Variants in PRKAG2 observed in about 807,000 individuals in gnomAD.
PRKAG2 encodes protein kinase AMP-activated non-catalytic subunit gamma 2.
Under a neutral mutation model 69.6 loss-of-function variants are expected in PRKAG2, and 26 were observed. The observed-to-expected ratio is 0.37, with a 90% confidence interval of 0.27 to 0.52. The LOEUF (loss-of-function observed/expected upper bound fraction) is 0.52, where lower values mean the gene tolerates loss of function less well. Among genes scored for constraint, PRKAG2 ranks in the 20% least tolerant of loss-of-function variants. PRKAG2 has a pLI of 0.90. For missense variants in PRKAG2, 557 were observed against 740.0 expected, an observed-to-expected ratio of 0.75 and a Z score of 2.87; for synonymous variants, 293 against 285.0, an observed-to-expected ratio of 1.03 and a Z score of -0.28.
At chr7:151,838,072 C>T (rs1490257622) in intron 1 of PRKAG2, among the ~76,000 whole-genome samples, 1 of 151,964 alleles carries the variant, frequency 6.6e-6, no homozygotes, top group African/African-American at 2.4e-5. Flanking sequence ...CAGGCACCAG[C>T]AGAGGCAGGA....
chr7:151,600,866 C>A (rs570846073), intron 5 of PRKAG2, among the ~76,000 whole-genome samples: 1 of 152,320 alleles, frequency 6.6e-6, no homozygotes, highest in East Asian at 1.9e-4. Flanking sequence ...CCAGGTACTG[C>A]AATAAATCAC....
chr7:151,790,334 C>T lies in PRKAG2; in HGVS notation c.115-3793G>A, dbSNP rs10230621. The stretch of plus-strand genomic sequence containing the variant: ...AACACACTCTCTGGCTGAGAGTCAC[C>T]CTCAGACAGAATTAATTATCTCTTA... On this transcript the variant is annotated intron_variant, in intron 1 of 15. Transcript: ENST00000287878. Among the ~76,000 whole-genome samples the T allele has an allele frequency of 9.1e-3, 1,390 of 152,326 alleles. 24 individuals are homozygous for T. The highest frequency in any genetic ancestry group is 0.032 in the African/African-American group (1,317 of 41,566).
chr7:151,825,975 G>GA (rs1314298701), intron 1 of PRKAG2, among the ~76,000 whole-genome samples: 1 of 152,104 alleles, frequency 6.6e-6, no homozygotes, highest in Non-Finnish European at 1.5e-5. Flanking sequence ...GTTTACCCAG[G>GA]ACTGTGTGGG....
intron 4 of PRKAG2, among the ~76,000 whole-genome samples, chr7:151,666,538 G>A (rs530967165): frequency 4.6e-5 from 7 of 152,300 alleles, no homozygotes; most frequent in South Asian, 2.1e-4. Context: ...TATGGTTTCC[G>A]TGGGTCAGGA....
rs139431079 is a variant in PRKAG2, at chr7:151,566,586, T to C, written c.1234-701A>G. 5.9e-4 allele frequency: 265 copies of C among 451,658 alleles called. 1 individual carries two copies. Among genetic ancestry groups the C allele is most frequent in the African/African-American group, 4.9e-3 (246 of 49,894 alleles). The allele number at this position is 451,658 out of a possible 1,614,324, so 28.0% of individuals were successfully genotyped here. A position where few individuals can be genotyped will look rare whatever the true frequency, so the allele number is the denominator to read the frequency against. On this transcript the variant is annotated intron_variant, in intron 11 of 15. Transcript: ENST00000287878. ...TCAAAAATCCACCTTTTATAAAGGG[T>C]ATAGTTGATTCCATCCTCCTGGTGT...
At position 151,632,426 on chromosome 7, in the gene PRKAG2, G is replaced by A; in HGVS notation, c.685-288C>T. 1 of 532,422 alleles carries A rather than the reference G, an allele frequency of 1.9e-6. No homozygotes were observed. Among genetic ancestry groups the A allele is most frequent in the East Asian group, 1.5e-4 (1 of 6,806 alleles). 33.0% of individuals were successfully genotyped at this position (532,422 alleles called of 1,614,324 possible). On this transcript the variant is annotated intron_variant, in intron 4 of 15. Transcript: ENST00000287878. This position sits in a 1 kb window ranked among gnomAD's most constrained non-coding sequence, Gnocchi z 4.2. ...CTTGGTACGGCCCGCCCGGGAGGAA[G>A]CGTGGGAAGGGACCCGGGAGCTCGA...
At chr7:151,557,635 C>T (rs1024520226) in intron 15 of PRKAG2, 18 of 826,922 alleles carry the variant, frequency 2.2e-5, no homozygotes, top group Admixed American at 1.9e-4. Context: ...TTTGGGAGGC[C>T]GAGGCGGGCG....
chr7:151,717,456 T>A, intron 3 of PRKAG2, among the ~76,000 whole-genome samples: 1 of 152,318 alleles, frequency 6.6e-6, no homozygotes, highest in East Asian at 1.9e-4. Flanking sequence ...GAATTTCATA[T>A]GCAGGAACTT....
chr7:151,683,390 G>A (rs1834178160), intron 3 of PRKAG2, among the ~76,000 whole-genome samples: 1 of 152,154 alleles, frequency 6.6e-6, no homozygotes, highest in Non-Finnish European at 1.5e-5. Flanking sequence ...ATGGGCTCTG[G>A]GACAAATCCA....
At chr7:151,604,747 A>ATCCCG (rs1817102402) in intron 5 of PRKAG2, among the ~76,000 whole-genome samples, 1 of 152,152 alleles carries the variant, frequency 6.6e-6, no homozygotes, top group Non-Finnish European at 1.5e-5. Context: ...CTGTCTCACG[A>ATCCCG]TCCCGTCCAG....
chr7:151,670,649 G>T (rs1163502261), intron 4 of PRKAG2, among the ~76,000 whole-genome samples: 7 of 152,142 alleles, frequency 4.6e-5, no homozygotes, highest in African/African-American at 1.4e-4. Flanking sequence ...TGAATTACCT[G>T]TCTGTTCTTC....
intron 9 of PRKAG2, among the ~76,000 whole-genome samples, chr7:151,571,970 G>A (rs75217350): frequency 0.026 from 4,007 of 152,216 alleles, 149 homozygotes; most frequent in East Asian, 0.17. Context: ...CAAAGGCTCC[G>A]CTGTTGCAGA....
intron 1 of PRKAG2, among the ~76,000 whole-genome samples, chr7:151,797,615 G>A (rs562732505): frequency 5.9e-5 from 9 of 152,226 alleles, no homozygotes; most frequent in Admixed American, 3.9e-4. Flanking sequence ...CACTTTCTAC[G>A]GGTACCCAAG....
chr7:151,660,946 C>T (rs6961337), intron 4 of PRKAG2, among the ~76,000 whole-genome samples: 1 of 152,172 alleles, frequency 6.6e-6, no homozygotes, highest in South Asian at 2.1e-4. Flanking sequence ...AACCATTTTT[C>T]AGTAGACAGT....
intron 5 of PRKAG2, among the ~76,000 whole-genome samples, chr7:151,624,426 C>T (rs188160372): frequency 9.3e-4 from 141 of 152,094 alleles, no homozygotes; most frequent in Non-Finnish European, 1.4e-3. Flanking sequence ...GCTGGGATTA[C>T]GGGGTGAGCC....
intron 5 of PRKAG2, chr7:151,631,559 C>T (rs1824411878): frequency 1.3e-5 from 5 of 383,712 alleles, no homozygotes; most frequent in South Asian, 7.2e-5. Flanking sequence ...AGAGGGTCGC[C>T]TGAACTCAAC....
At chr7:151,775,309 C>T (rs1015738743) in intron 3 of PRKAG2, among the ~76,000 whole-genome samples, 2 of 151,944 alleles carry the variant, frequency 1.3e-5, no homozygotes, top group African/African-American at 2.4e-5. Flanking sequence ...CTGGGCTAAT[C>T]AGATATCCTG....
intron 3 of PRKAG2, among the ~76,000 whole-genome samples, chr7:151,695,064 A>G (rs1227193117): frequency 6.6e-6 from 1 of 152,106 alleles, no homozygotes; most frequent in African/African-American, 2.4e-5. Context: ...CAAGTTTCCG[A>G]TGTGCTGTTG....
chr7:151,618,075 A>G (rs1331559076), intron 5 of PRKAG2, among the ~76,000 whole-genome samples: 1 of 152,174 alleles, frequency 6.6e-6, no homozygotes, highest in Non-Finnish European at 1.5e-5. Flanking sequence ...TAATCCTAGT[A>G]CTTTGAGAGG....
Sources: gnomAD v4.1 joint callset for allele counts (sites outside exome capture counted in the v4.1 genomes callset) on GRCh38, gnomAD v4.1.1 for gene constraint, Gnocchi (gnomAD v3.1) non-coding constraint, MANE v1.5 for transcripts, NCBI Gene and HGNC (gene_info 2026-07-23, HGNC 2026-07-21) for gene names.